Variants in ATP7B observed in about 807,000 individuals in gnomAD.
The protein encoded by ATP7B is ATPase copper transporting beta.
In ATP7B, 113 loss-of-function variants were observed where a neutral mutation model predicts 118.9. The observed-to-expected ratio is 0.95, with a 90% CI of 0.82 to 1.11. The LOEUF (loss-of-function observed/expected upper bound fraction) is 1.11. ATP7B is among the 50% of genes most tolerant of loss of function. The pLI is 0.00. For missense variants in ATP7B, 1,867 were observed against 1,871.4 expected, an observed-to-expected ratio of 1.00 and a Z score of 0.04; for synonymous variants, 777 against 727.4, an observed-to-expected ratio of 1.07 and a Z score of -1.10.
intron 9 of ATP7B, among the ~76,000 whole-genome samples, chr13:51,955,994 G>T (rs1958321485): frequency 6.6e-6 from 1 of 152,180 alleles, no homozygotes; most frequent in African/African-American, 2.4e-5. Context: ...ACTGCACTTG[G>T]CTTTTCCTGA....
At chr13:52,010,743 T>C (rs1188798366) in intron 1 of ATP7B, among the ~76,000 whole-genome samples, 1 of 152,232 alleles carries the variant, frequency 6.6e-6, no homozygotes, top group Non-Finnish European at 1.5e-5. Flanking sequence ...ACATAGAAAG[T>C]TCTCAATAAA....
upstream of ATP7B, chr13:52,011,587 G>A: frequency 3.3e-6 from 2 of 609,538 alleles, no homozygotes; most frequent in Non-Finnish European, 3.0e-6. Flanking sequence ...TGGGGGCACG[G>A]GGATGAGAGC....
In ATP7B at chr13:51,968,523, G is replaced by C. The variant is rs777096464; in HGVS notation, c.1628C>G (p.Ala543Gly). The part of the protein sequence containing the change: ...DPEVIQPLEI[A>G]QFIQDLGFEA... Reference sequence around the variant, plus strand: ...AAAACCCAGGTCCTGGATGAACTGAGCTATCTCGAGGGGCTGGATGACCTC... The same window carrying C: ...AAAACCCAGGTCCTGGATGAACTGACCTATCTCGAGGGGCTGGATGACCTC... The change falls in exon 4 of 21, where the codon GCT (alanine) becomes GGT (glycine). Residue 543 changes from alanine (A) to glycine (G), a missense_variant. Physicochemically the swap from Ala to Gly is moderately conservative, Grantham distance 60. Coordinates refer to ENST00000242839, the MANE Select transcript of ATP7B (RefSeq NM_000053.4). 2.7e-5 allele frequency: 44 copies of C among 1,614,160 alleles called. No individual in the cohort carries two copies. In the Admixed American group the frequency reaches 7.3e-4, roughly 27 times the overall value.
chr13:51,997,031 G>C (rs1953244187), intron 1 of ATP7B, among the ~76,000 whole-genome samples: 1 of 152,210 alleles, frequency 6.6e-6, no homozygotes, highest in African/African-American at 2.4e-5. Context: ...AGCACTGTGG[G>C]GCTGTGCAGC....
At chr13:51,959,983 C>G in intron 7 of ATP7B, 165 bp downstream of exon 7, 2 of 983,528 alleles carry the variant, frequency 2.0e-6, no homozygotes. Flanking sequence ...ACCTACTGGT[C>G]ATTAAGAGAG....
At chr13:51,942,648 T>A in intron 14 of ATP7B, 94 bp from the exon 15 acceptor site, 1 of 1,503,044 alleles carries the variant, frequency 6.7e-7, no homozygotes, top group Non-Finnish European at 9.1e-7. Flanking sequence ...AGGGTGAAGG[T>A]GGCAAGAGAG....
chr13:51,971,373 T>C (rs1434100555), intron 2 of ATP7B, among the ~76,000 whole-genome samples: 1 of 152,244 alleles, frequency 6.6e-6, no homozygotes, highest in African/African-American at 2.4e-5. Context: ...CCTATATTTT[T>C]ATTTGCTAAG....
intron 19 of ATP7B, among the ~76,000 whole-genome samples, chr13:51,936,071 C>T (rs531378464): frequency 6.6e-6 from 1 of 152,342 alleles, no homozygotes; most frequent in South Asian, 2.1e-4. Flanking sequence ...CACAGTCCCA[C>T]AGAGGACAAA....
In ATP7B at chr13:51,950,333, CT is replaced by C. The variant is rs777362050; in HGVS notation, c.2513del (p.Lys838SerfsTer35). ...GDIVKVVPGG[K>X]FPVDGKVLEG... Reference sequence around the variant, plus strand: ...CCAGGACTTTCCCATCCACTGGAAACTTTCCCCCAGGGACCACCTTGACGAT... The same window carrying C: ...CCAGGACTTTCCCATCCACTGGAAACTTCCCCCAGGGACCACCTTGACGAT... On this transcript the variant is annotated frameshift_variant, in exon 10 of 21. Coordinates refer to ENST00000242839, the MANE Select transcript of ATP7B (RefSeq NM_000053.4). LOFTEE classifies it high-confidence loss of function. 2.5e-6 allele frequency: 4 copies of C among 1,614,060 alleles called. No homozygotes were observed. In the East Asian group the frequency reaches 8.9e-5, roughly 36 times the overall value.
chr13:51,981,039 C>A (rs1450377229), intron 1 of ATP7B, among the ~76,000 whole-genome samples: 1 of 152,164 alleles, frequency 6.6e-6, no homozygotes, highest in Non-Finnish European at 1.5e-5. Flanking sequence ...TTATATCCCT[C>A]ATGCTTAGGG....
intron 2 of ATP7B, 135 bp downstream of exon 2, chr13:51,973,800 A>G (rs1951957203): frequency 1.5e-6 from 2 of 1,315,494 alleles, no homozygotes; most frequent in South Asian, 1.2e-5. Context: ...ACATGCAAGG[A>G]AAGTTTGCAG....
At chr13:51,987,929 A>C (rs1231829415) in intron 1 of ATP7B, among the ~76,000 whole-genome samples, 1 of 152,212 alleles carries the variant, frequency 6.6e-6, no homozygotes, top group Non-Finnish European at 1.5e-5. Flanking sequence ...TAAAACTTAA[A>C]CGTAAGACCT....
At chr13:51,951,500 C>G (rs749194542) in intron 9 of ATP7B, among the ~76,000 whole-genome samples, 1 of 152,046 alleles carries the variant, frequency 6.6e-6, no homozygotes, top group Non-Finnish European at 1.5e-5. Flanking sequence ...AAGAAGAGGT[C>G]AGAGGTAGAG....
intron 5 of ATP7B, among the ~76,000 whole-genome samples, chr13:51,963,579 T>C (rs1279106285): frequency 1.3e-5 from 2 of 151,034 alleles, no homozygotes; most frequent in East Asian, 2.0e-4. Context: ...CTACCAAAAA[T>C]ACAAAAATTA....
At chr13:51,964,793 A>G (rs922428598) in intron 5 of ATP7B, 79 bp downstream of exon 5, 17 of 1,514,172 alleles carry the variant, frequency 1.1e-5, no homozygotes, top group Non-Finnish European at 1.5e-5. Context: ...TTTCTTAGCT[A>G]TATTTTCTCA....
In ATP7B at chr13:51,937,623, G is replaced by A. The variant is rs1395442643; in HGVS notation, c.3756C>T (p.Val1252=). ...TCTTCCCTTTATTCTGGAGCTCCTG[G>A]ACCTTGGCCACCTTGTGCGAAGGCA... is the stretch of plus-strand genomic sequence containing the variant. ...EVLPSHKVAK[V]QELQNKGKKV... The change falls in exon 18 of 21, where the codon GTC becomes GTT. Residue 1252 remains valine, a synonymous_variant. Coordinates refer to ENST00000242839, the MANE Select transcript of ATP7B (RefSeq NM_000053.4). 6.2e-7 allele frequency: 1 copy of A among 1,614,258 alleles called. No individual in the cohort carries two copies. The highest frequency in any genetic ancestry group is 1.1e-5 in the South Asian group (1 of 91,086).
At chr13:52,011,218 G>T in intron 1 of ATP7B, 69 bp downstream of exon 1, 1 of 1,612,638 alleles carries the variant, frequency 6.2e-7, no homozygotes, top group Non-Finnish European at 8.5e-7. Context: ...AGTAAGCGCC[G>T]AACGCGGGGA....
rs2064223826 is a variant in ATP7B at position 52,010,643 on chromosome 13, G to A, written c.51+644C>T. ...AAAAATTTTAACACCTCATACAAAT[G>A]AAACCTAAAGATTTCTCTGAATGTG... On this transcript the variant is annotated intron_variant, in intron 1 of 20. Transcript: ENST00000242839. Among the ~76,000 whole-genome samples the A allele has an allele frequency of 2.0e-5, 3 of 152,150 alleles. No homozygotes were observed. In the South Asian group the frequency reaches 6.2e-4, roughly 32 times the overall value.
At chr13:51,956,961 A>G (rs1241477650) in intron 9 of ATP7B, among the ~76,000 whole-genome samples, 1 of 152,174 alleles carries the variant, frequency 6.6e-6, no homozygotes. Context: ...CCTCATCTGT[A>G]AATTAAGAGT....
Sources: allele counts gnomAD v4.1 joint callset (sites outside exome capture counted in the v4.1 genomes callset), GRCh38; gene constraint gnomAD v4.1.1; transcripts MANE v1.5; gene names NCBI Gene and HGNC (gene_info 2026-07-23, HGNC 2026-07-21).